The following PLEKHA6 variants were observed in gnomAD, a reference collection of about 807,000 sequenced individuals.
The protein encoded by PLEKHA6 is pleckstrin homology domain-containing family A member 6.
PLEKHA6 carries 60 observed loss-of-function variants against 116.7 expected under a neutral mutation model. The ratio of observed to expected loss-of-function variants is 0.51; its 90% confidence interval spans 0.42 to 0.64. The LOEUF is 0.64. PLEKHA6 is among the 30% of genes least tolerant of loss of function. PLEKHA6 has a pLI of 0.00. For missense variants in PLEKHA6, 1,338 were observed against 1,422.7 expected (o/e 0.94, Z 0.96); for synonymous variants, 489 against 556.1 (o/e 0.88, Z 1.70).
intron 1 of PLEKHA6, among the ~76,000 whole-genome samples, chr1:204,286,033 G>C (rs1669138837): frequency 6.6e-6 from 1 of 152,122 alleles, no homozygotes; most frequent in Non-Finnish European, 1.5e-5. Context: ...AAGGACAGCA[G>C]GCTTAGGATT....
rs149751838 is a variant in PLEKHA6 at position 204,300,522 on chromosome 1, T to C, written c.-94-25713A>G. The stretch of plus-strand genomic sequence containing the variant: ...TTGACTGAAATTTAGCTTCCTCTCT[T>C]CTGAGCCATTAGCCTACTGGGATCC... On this transcript the variant is annotated intron_variant, in intron 1 of 22. Coordinates refer to ENST00000272203, the MANE Select transcript of PLEKHA6 (RefSeq NM_014935.5). 2.5e-3 allele frequency among the ~76,000 whole-genome samples: 384 copies of C among 152,320 alleles called. 5 individuals carry two copies. The highest frequency in any genetic ancestry group is 9.0e-3 in the African/African-American group (374 of 41,552).
chr1:204,259,187 G>A lies in PLEKHA6; in HGVS notation c.1007+71C>T. The stretch of plus-strand genomic sequence containing the variant: ...GTTTCCAACAGGGGATGCCTCGTGG[G>A]CTATGACCCCACTCGCACGCTCTAG... On this transcript the variant is annotated intron_variant, in intron 8 of 22. Transcript: ENST00000272203. This position sits in a 1 kb window ranked among gnomAD's most constrained non-coding sequence, Gnocchi z 4.6. 6.6e-7 allele frequency: 1 copy of A among 1,524,954 alleles called. No homozygotes were observed. Among genetic ancestry groups the A allele is most frequent in the South Asian group, 1.2e-5 (1 of 80,876 alleles). 94.5% of individuals were successfully genotyped at this position (1,524,954 alleles called of 1,614,324 possible). A position where few individuals can be genotyped will look rare whatever the true frequency, so the allele number is the denominator to read the frequency against.
chr1:204,297,125 G>A (rs1039579106), intron 1 of PLEKHA6: 20 of 982,844 alleles, frequency 2.0e-5, no homozygotes, highest in South Asian at 1.9e-4. Flanking sequence ...GATAAAATCC[G>A]AATCAGATGG....
At chr1:204,245,176 G>A (rs556672448) in intron 14 of PLEKHA6, among the ~76,000 whole-genome samples, 173 bp from the exon 15 acceptor site, 8 of 152,258 alleles carry the variant, frequency 5.3e-5, no homozygotes, top group Admixed American at 5.2e-4. Context: ...CAGGTTCTGG[G>A]GCCACAGGCT....
At chr1:204,345,506 G>A (rs1476409637) in intron 1 of PLEKHA6, among the ~76,000 whole-genome samples, 1 of 151,628 alleles carries the variant, frequency 6.6e-6, no homozygotes, top group East Asian at 2.0e-4. Context: ...CACTCTTCCA[G>A]AGGTCTCAGG....
chr1:204,313,759 A>G, intron 1 of PLEKHA6: 1 of 946,240 alleles, frequency 1.1e-6, no homozygotes, highest in Non-Finnish European at 1.3e-6. Flanking sequence ...ATTAGCAGAG[A>G]GCACCATGTA....
intron 1 of PLEKHA6, among the ~76,000 whole-genome samples, chr1:204,278,504 G>A (rs1055002778): frequency 1.3e-5 from 2 of 152,224 alleles, no homozygotes; most frequent in East Asian, 3.8e-4. Flanking sequence ...CTGAAAGGAA[G>A]GGGCTAATCT....
chr1:204,365,554 A>G (rs1165707979), intron 3 of PLEKHA6, among the ~76,000 whole-genome samples: 1 of 152,248 alleles, frequency 6.6e-6, no homozygotes, highest in Non-Finnish European at 1.5e-5. Flanking sequence ...ACCGGCACAG[A>G]GAAGCAATGA....
At chr1:204,229,788 C>T (rs1222537570) in intron 18 of PLEKHA6, among the ~76,000 whole-genome samples, 2 of 152,156 alleles carry the variant, frequency 1.3e-5, no homozygotes, top group South Asian at 2.1e-4. Flanking sequence ...GAGGACAGGA[C>T]TTATGAGTCA....
chr1:204,280,560 C>CCT, intron 1 of PLEKHA6: 6 of 586,282 alleles, frequency 1.0e-5, no homozygotes, highest in Non-Finnish European at 1.3e-5. Context: ...GCCTTGGCTT[C>CCT]CAGCATTACA....
intron 1 of PLEKHA6, among the ~76,000 whole-genome samples, chr1:204,290,874 C>T (rs912535927): frequency 1.3e-5 from 2 of 151,482 alleles, no homozygotes; most frequent in Non-Finnish European, 2.9e-5. Flanking sequence ...CCTGTAATCC[C>T]AGCTACTCAG....
At chr1:204,252,975 C>T (rs1034848264) in intron 9 of PLEKHA6, among the ~76,000 whole-genome samples, 7 of 152,242 alleles carry the variant, frequency 4.6e-5, no homozygotes, top group African/African-American at 1.2e-4. Context: ...GCCTGTGCTG[C>T]GGCTTTGGGG....
intron 21 of PLEKHA6, among the ~76,000 whole-genome samples, chr1:204,225,763 CAT>C (rs954718978): frequency 6.6e-6 from 1 of 152,280 alleles, no homozygotes; most frequent in African/African-American, 2.4e-5. Context: ...TTTACACAGA[CAT>C]AATACACATT....
chr1:204,375,350 T>C (rs930691226), intron 1 of PLEKHA6, among the ~76,000 whole-genome samples: 7 of 152,008 alleles, frequency 4.6e-5, no homozygotes, highest in Admixed American at 6.6e-5. Context: ...TAATATGCAC[T>C]CCCCTTGCCA....
At chr1:204,356,285 T>C (rs1366326639) in intron 1 of PLEKHA6, among the ~76,000 whole-genome samples, 2 of 152,164 alleles carry the variant, frequency 1.3e-5, no homozygotes, top group Non-Finnish European at 2.9e-5. Context: ...AAAATGATGC[T>C]GTAAAGGCCA....
chr1:204,345,078 T>TA (rs1051349003), intron 1 of PLEKHA6, among the ~76,000 whole-genome samples: 2 of 152,162 alleles, frequency 1.3e-5, no homozygotes, highest in African/African-American at 4.8e-5. Context: ...GAGAAAGACA[T>TA]ATGTGGATGG....
chr1:204,259,780 C>T lies in PLEKHA6; in HGVS notation c.525-40G>A. On this transcript the variant is annotated intron_variant, in intron 7 of 22. Transcript: ENST00000272203. This position sits in a 1 kb window ranked among gnomAD's most constrained non-coding sequence, Gnocchi z 4.6. ...GGGAGATGCTGTCAGTGACTCTAGC[C>T]CAGCATGGAGTGGGGCAGGGGGTGC... 1.3e-6 allele frequency: 2 copies of T among 1,565,070 alleles called. No individual in the cohort carries two copies. Among genetic ancestry groups the T allele is most frequent in the Non-Finnish European group, 1.7e-6 (2 of 1,155,478 alleles).
At chr1:204,351,032 C>T (rs1441347136) in intron 1 of PLEKHA6, among the ~76,000 whole-genome samples, 4 of 152,208 alleles carry the variant, frequency 2.6e-5, no homozygotes, top group Non-Finnish European at 4.4e-5. Flanking sequence ...CCTCTCCGAA[C>T]GCCAGCTAAC....
chr1:204,278,229 C>T (rs1265252778), intron 1 of PLEKHA6, among the ~76,000 whole-genome samples: 4 of 152,232 alleles, frequency 2.6e-5, no homozygotes, highest in Non-Finnish European at 5.9e-5. Flanking sequence ...CTAGGCAAGC[C>T]TGTTCTCCAA....
Sources: allele counts gnomAD v4.1 joint callset (sites outside exome capture counted in the v4.1 genomes callset), GRCh38; gene constraint gnomAD v4.1.1; non-coding constraint Gnocchi (gnomAD v3.1); transcripts MANE v1.5; gene names NCBI Gene and HGNC (gene_info 2026-07-23, HGNC 2026-07-21).